IKZF1: variants seen among roughly 807,000 people sequenced by gnomAD.
IKZF1 encodes the protein DNA-binding protein Ikaros.
IKZF1 carries 10 observed loss-of-function variants against 51.7 expected under a neutral mutation model. The observed-to-expected ratio is 0.19, with a 90% CI of 0.12 to 0.33. The LOEUF is 0.33. Among genes scored for constraint, IKZF1 ranks in the 10% least tolerant of loss-of-function variants. The pLI, the probability that IKZF1 is intolerant of heterozygous loss-of-function variation, is 1.00. For missense variants in IKZF1, 484 were observed against 707.5 expected, an observed-to-expected ratio of 0.68 and a Z score of 3.58; for synonymous variants, 280 against 282.3, an observed-to-expected ratio of 0.99 and a Z score of 0.08.
Position 50,399,415 on chromosome 7 carries a change from TTAA to T in IKZF1, c.851-498_851-496del, listed in dbSNP as rs562330433. Among the ~76,000 whole-genome samples the T allele has an allele frequency of 1.2e-3, 181 of 151,210 alleles. 1 individual carries two copies. The highest frequency in any genetic ancestry group is 3.9e-3 in the African/African-American group (163 of 41,360). On this transcript the variant is annotated intron_variant, in intron 7 of 7. Transcript: ENST00000331340. ...AAATTATTAAATACAATTATTAAAATTAATAATTTAACATATCACATATTTTAA... is the reference window on the plus strand; with the variant it reads ...AAATTATTAAATACAATTATTAAAATTAATTTAACATATCACATATTTTAA...
At chr7:50,323,166 T>C (rs961761313) in intron 2 of IKZF1, among the ~76,000 whole-genome samples, 4 of 152,200 alleles carry the variant, frequency 2.6e-5, no homozygotes, top group Admixed American at 6.5e-5. Flanking sequence ...GTTTTCTCCT[T>C]TCAACCTCAC....
intron 5 of IKZF1, among the ~76,000 whole-genome samples, chr7:50,387,015 C>T (rs1219812424): frequency 2.0e-5 from 3 of 152,142 alleles, no homozygotes; most frequent in East Asian, 1.9e-4. Flanking sequence ...TCTGTCCAGT[C>T]GCTGGCATCC....
chr7:50,352,300 C>T (rs1802066183), intron 3 of IKZF1, among the ~76,000 whole-genome samples: 1 of 152,152 alleles, frequency 6.6e-6, no homozygotes, highest in African/African-American at 2.4e-5. Flanking sequence ...CTGTCTCTTC[C>T]TCTGCATTCT....
At chr7:50,377,869 C>A (rs945297356) in intron 4 of IKZF1, among the ~76,000 whole-genome samples, 2 of 152,190 alleles carry the variant, frequency 1.3e-5, no homozygotes, top group Admixed American at 6.5e-5. Context: ...TGCCTCTGAG[C>A]TGGCATTGTT....
chr7:50,380,804 A>T (rs1420512958), intron 4 of IKZF1, among the ~76,000 whole-genome samples: 2 of 152,152 alleles, frequency 1.3e-5, no homozygotes, highest in Non-Finnish European at 2.9e-5. Context: ...TAGATAATTA[A>T]ATGATCTCTC....
intron 2 of IKZF1, among the ~76,000 whole-genome samples, chr7:50,320,338 G>A (rs1417272594): frequency 1.3e-5 from 2 of 151,900 alleles, no homozygotes; most frequent in Non-Finnish European, 2.9e-5. Context: ...CAAAATAATT[G>A]GGTACATAGT....
chr7:50,322,347 C>G (rs926717265), intron 2 of IKZF1, among the ~76,000 whole-genome samples: 1 of 152,152 alleles, frequency 6.6e-6, no homozygotes, highest in Non-Finnish European at 1.5e-5. Context: ...TCATAGGATT[C>G]AACCTAATGT....
rs2153466412 is a variant in IKZF1 at position 50,376,093 on chromosome 7, C to CAA, written c.161-439_161-438dup. 6.6e-6 allele frequency among the ~76,000 whole-genome samples: 1 copy of CAA among 152,336 alleles called. No homozygotes were observed. Among genetic ancestry groups the CAA allele is most frequent in the Non-Finnish European group, 1.5e-5 (1 of 68,036 alleles). On this transcript the variant is annotated intron_variant, in intron 3 of 7. Coordinates refer to ENST00000331340, the MANE Select transcript of IKZF1 (RefSeq NM_006060.6). The surrounding 1 kb of genome is among the most constrained non-coding windows in gnomAD (Gnocchi z 4.5). ...ACCACTTATTAGGTATTTTGCCAAA[C>CAA]AAGTTCACACATCCTAGAGAGCTGG... is the stretch of plus-strand genomic sequence containing the variant.
intron 3 of IKZF1, among the ~76,000 whole-genome samples, chr7:50,370,005 T>C (rs1218446803): frequency 6.7e-6 from 1 of 148,318 alleles, no homozygotes; most frequent in African/African-American, 2.6e-5. Flanking sequence ...CAAAAATATC[T>C]ATATATATAT....
At position 50,358,864 on chromosome 7, in the gene IKZF1, T is replaced by TC. The variant is rs1554352315; in HGVS notation, c.161-17666dup. The stretch of plus-strand genomic sequence containing the variant: ...ATTACAAAGTCCTTGGAGTTTTTTT[T>TC]CCCTGGTTAGACATAAGTTTACATG... On this transcript the variant is annotated intron_variant, in intron 3 of 7. Coordinates refer to ENST00000331340, the MANE Select transcript of IKZF1 (RefSeq NM_006060.6). Among the ~76,000 whole-genome samples the TC allele has an allele frequency of 3.6e-4, 54 of 151,654 alleles. 3 individuals are homozygous for TC. In the South Asian group the frequency reaches 7.9e-3, roughly 22 times the overall value.
At chr7:50,334,950 G>A (rs1376453343) in intron 3 of IKZF1, among the ~76,000 whole-genome samples, 1 of 150,694 alleles carries the variant, frequency 6.6e-6, no homozygotes, top group Non-Finnish European at 1.5e-5. Flanking sequence ...TATATGGTGT[G>A]TATGTGTGGT....
Position 50,387,325 on chromosome 7 carries a change from C to T in IKZF1, c.590-20C>T, listed in dbSNP as rs1813678161. The T allele has an allele frequency of 6.2e-7, 1 of 1,609,620 alleles. No individual in the cohort carries two copies. The highest frequency in any genetic ancestry group is 1.7e-5 in the Admixed American group (1 of 59,518). ...GCTGGCATTTAATTGGGGTCTTGAA[C>T]TCAATTGTGTTTTCTGCAGTTGGTA... On this transcript the variant is annotated intron_variant, in intron 5 of 7. Transcript: ENST00000331340.
chr7:50,343,478 A>C (rs1330318161), intron 3 of IKZF1, among the ~76,000 whole-genome samples: 4 of 152,198 alleles, frequency 2.6e-5, no homozygotes, highest in Non-Finnish European at 5.9e-5. Context: ...ATAATGGTAC[A>C]GCGGGGAGTA....
chr7:50,385,070 A>G (rs774310959), intron 5 of IKZF1, among the ~76,000 whole-genome samples: 84 of 152,174 alleles, frequency 5.5e-4, no homozygotes, highest in Non-Finnish European at 8.4e-4. Context: ...AAGTACCACT[A>G]AGTATTGAGT....
At chr7:50,388,529 G>C (rs149313604) in intron 6 of IKZF1, 3 of 152,352 alleles carry the variant, frequency 2.0e-5, no homozygotes, top group Non-Finnish European at 4.4e-5. Context: ...CTGCCAGTCA[G>C]CCAGGGATCT....
intron 3 of IKZF1, among the ~76,000 whole-genome samples, chr7:50,339,565 A>G (rs1228107978): frequency 6.6e-6 from 1 of 152,020 alleles, no homozygotes; most frequent in Non-Finnish European, 1.5e-5. Flanking sequence ...CCTGGCCAAT[A>G]TGGTGAAACC....
chr7:50,364,328 G>T (rs1443564698), intron 3 of IKZF1, among the ~76,000 whole-genome samples: 2 of 152,230 alleles, frequency 1.3e-5, no homozygotes, highest in Non-Finnish European at 2.9e-5. Context: ...AGAATCCAAG[G>T]TGTTCGCAGC....
intron 3 of IKZF1, among the ~76,000 whole-genome samples, chr7:50,340,140 T>A (rs1798734264): frequency 6.6e-6 from 1 of 152,212 alleles, no homozygotes; most frequent in Non-Finnish European, 1.5e-5. Flanking sequence ...AAGGAGTCTA[T>A]CAGAAAACTA....
intron 1 of IKZF1, among the ~76,000 whole-genome samples, chr7:50,315,641 G>A (rs1338115629): frequency 6.6e-6 from 1 of 152,180 alleles, no homozygotes; most frequent in East Asian, 1.9e-4. Context: ...GGTTTCCCAG[G>A]CAAAGTAGAA....
Sources: gnomAD v4.1 joint callset for allele counts (sites outside exome capture counted in the v4.1 genomes callset) on GRCh38, gnomAD v4.1.1 for gene constraint, Gnocchi (gnomAD v3.1) non-coding constraint, MANE v1.5 for transcripts, NCBI Gene and HGNC (gene_info 2026-07-23, HGNC 2026-07-21) for gene names.